CTNNA2: variants seen among roughly 807,000 people sequenced by gnomAD.
CTNNA2 encodes the protein catenin alpha 2, also known as catenin alpha-2.
In CTNNA2, 42 loss-of-function variants were observed where a neutral mutation model predicts 101.0. That is an observed-to-expected ratio of 0.42 (90% CI 0.32 to 0.54). The LOEUF is 0.54. Ranked by LOEUF, CTNNA2 falls within the 20% of genes least tolerant of loss-of-function variation. CTNNA2 has a pLI of 0.14. For synonymous variants in CTNNA2, 450 were observed against 456.4 expected (o/e 0.99, Z 0.18); for missense variants, 871 against 1,223.1 (o/e 0.71, Z 4.29).
intron 7 of CTNNA2, among the ~76,000 whole-genome samples, chr2:80,251,229 G>A (rs572535473): frequency 8.3e-4 from 126 of 152,156 alleles, no homozygotes; most frequent in African/African-American, 1.5e-3. Context: ...AACTACGTCC[G>A]GCACCCGGCA....
At chr2:79,564,305 A>G (rs1419936646) in intron 1 of CTNNA2, among the ~76,000 whole-genome samples, 1 of 151,152 alleles carries the variant, frequency 6.6e-6, no homozygotes, top group African/African-American at 2.4e-5. Flanking sequence ...AAAGTATATT[A>G]TATATTTTTG....
intron 3 of CTNNA2, among the ~76,000 whole-genome samples, chr2:79,792,675 A>G (rs1675377084): frequency 1.3e-5 from 2 of 152,156 alleles, no homozygotes; most frequent in Non-Finnish European, 2.9e-5. Flanking sequence ...TAGGATCACA[A>G]TTATTGTCCT....
At chr2:79,948,331 T>A (rs1688643346) in intron 7 of CTNNA2, among the ~76,000 whole-genome samples, 1 of 152,184 alleles carries the variant, frequency 6.6e-6, no homozygotes, top group Non-Finnish European at 1.5e-5. Context: ...AAAATGTTGG[T>A]ATTTCTTGCA....
chr2:79,467,434 C>T (rs188813684), intron 4 of CTNNA2, among the ~76,000 whole-genome samples: 1 of 152,176 alleles, frequency 6.6e-6, no homozygotes, highest in African/African-American at 2.4e-5. Flanking sequence ...GAGAATGGAA[C>T]CAAGTTAGAA....
intron 3 of CTNNA2, among the ~76,000 whole-genome samples, chr2:79,754,998 C>T (rs138925561): frequency 2.0e-4 from 30 of 152,170 alleles, no homozygotes; most frequent in African/African-American, 7.2e-4. Flanking sequence ...TGAGCCTGGA[C>T]TCTGCTGAGT....
chr2:80,306,082 C>T (rs990045768), intron 7 of CTNNA2, among the ~76,000 whole-genome samples: 3 of 152,112 alleles, frequency 2.0e-5, no homozygotes, highest in African/African-American at 7.2e-5. Flanking sequence ...ATCAAAGTCA[C>T]CAAAGACTGG....
chr2:80,573,311 C>G (rs538921113), intron 12 of CTNNA2: 1 of 152,172 alleles, frequency 6.6e-6, no homozygotes, highest in African/African-American at 2.4e-5. Flanking sequence ...TTACTTTCCA[C>G]TAATCTCTAG....
In CTNNA2 at chr2:80,309,736, C is replaced by A. The variant is rs985673144; in HGVS notation, c.1057-83475C>A. On this transcript the variant is annotated intron_variant, in intron 7 of 18. Coordinates refer to ENST00000402739, the MANE Select transcript of CTNNA2 (RefSeq NM_001282597.3). The stretch of plus-strand genomic sequence containing the variant: ...TTGAGACGGAGTCTCGCACGGTCAC[C>A]CAGGCTGGAGTGCAGTGGCATGATC... Among the ~76,000 whole-genome samples, 3 of 150,524 alleles carry A rather than the reference C, an allele frequency of 2.0e-5. No homozygotes were observed. The Admixed American group carries it at 2.0e-4, about 10-fold the overall frequency.
chr2:79,794,595 T>C (rs1398745884), intron 3 of CTNNA2, among the ~76,000 whole-genome samples: 2 of 152,188 alleles, frequency 1.3e-5, no homozygotes, highest in Non-Finnish European at 2.9e-5. Flanking sequence ...TATCATAAGA[T>C]CTACCCGCTT....
intron 9 of CTNNA2, among the ~76,000 whole-genome samples, chr2:80,426,969 T>G (rs1681054507): frequency 6.6e-6 from 1 of 152,054 alleles, no homozygotes; most frequent in South Asian, 2.1e-4. Flanking sequence ...TCCCTTTTAC[T>G]TTAGGATTGT....
intron 2 of CTNNA2, among the ~76,000 whole-genome samples, chr2:79,695,983 A>G (rs1041526903): frequency 3.9e-5 from 6 of 151,998 alleles, no homozygotes; most frequent in African/African-American, 1.4e-4. Context: ...TATCATTGCC[A>G]GGATGGTGTG....
At chr2:80,377,324 G>T (rs1213439437) in intron 7 of CTNNA2, among the ~76,000 whole-genome samples, 1 of 152,190 alleles carries the variant, frequency 6.6e-6, no homozygotes, top group East Asian at 1.9e-4. Context: ...ATCACAAGAG[G>T]AAAAGATCAG....
At position 79,888,722 on chromosome 2, in the gene CTNNA2, C is replaced by G. The variant is rs983766990; in HGVS notation, c.852+14380C>G. On this transcript the variant is annotated intron_variant, in intron 6 of 18. Coordinates refer to ENST00000402739, the MANE Select transcript of CTNNA2 (RefSeq NM_001282597.3). ...GAAAAATGTAAGAATCTGTTTTCTT[C>G]CTAGTGTGACTGATTTTTGCTTTTG... is the stretch of plus-strand genomic sequence containing the variant. Among the ~76,000 whole-genome samples, 39 of 152,138 alleles carry G rather than the reference C, an allele frequency of 2.6e-4. 1 individual carries two copies. The highest frequency in any genetic ancestry group is 1.9e-3 in the Admixed American group (29 of 15,284).
At chr2:80,377,616 A>G (rs1168251148) in intron 7 of CTNNA2, among the ~76,000 whole-genome samples, 1 of 152,162 alleles carries the variant, frequency 6.6e-6, no homozygotes, top group Non-Finnish European at 1.5e-5. Flanking sequence ...TGGAAATTGC[A>G]TTTGCATTGT....
intron 7 of CTNNA2, among the ~76,000 whole-genome samples, chr2:80,034,222 G>C (rs1433920481): frequency 6.6e-6 from 1 of 151,494 alleles, no homozygotes; most frequent in African/African-American, 2.4e-5. Flanking sequence ...TATAAAAAGA[G>C]ATTTTGGAAA....
At chr2:79,924,348 T>G (rs557870421) in intron 7 of CTNNA2, among the ~76,000 whole-genome samples, 1 of 152,206 alleles carries the variant, frequency 6.6e-6, no homozygotes, top group East Asian at 1.9e-4. Context: ...GGCTTAGGAT[T>G]TGGCTTTCTC....
intron 7 of CTNNA2, among the ~76,000 whole-genome samples, chr2:80,163,820 G>T (rs948784250): frequency 1.2e-4 from 18 of 151,834 alleles, no homozygotes; most frequent in African/African-American, 3.6e-4. Context: ...CATATTTAGG[G>T]TTGCTTTTTT....
At position 80,302,609 on chromosome 2, in the gene CTNNA2, C is replaced by G; in HGVS notation, c.1057-90602C>G. 6.2e-7 allele frequency: 1 copy of G among 1,605,800 alleles called. No individual in the cohort carries two copies. On this transcript the variant is annotated intron_variant, in intron 7 of 18. Transcript: ENST00000402739. The surrounding 1 kb of genome is among the most constrained non-coding windows in gnomAD (Gnocchi z 6.4). ...AGCCACGGTGGCAGGCTCGAATGTGCCGTCGTGCTGCCCCTCCCCGCCGTC... is the reference window on the plus strand; with the variant it reads ...AGCCACGGTGGCAGGCTCGAATGTGGCGTCGTGCTGCCCCTCCCCGCCGTC...
chr2:80,365,133 G>A (rs991707630), intron 7 of CTNNA2, among the ~76,000 whole-genome samples: 2 of 152,108 alleles, frequency 1.3e-5, no homozygotes, highest in African/African-American at 4.8e-5. Flanking sequence ...ATTTGGGGTT[G>A]TTGTCACCAC....
Sources: allele counts gnomAD v4.1 joint callset (sites outside exome capture counted in the v4.1 genomes callset), GRCh38; gene constraint gnomAD v4.1.1; non-coding constraint Gnocchi (gnomAD v3.1); transcripts MANE v1.5; gene names NCBI Gene and HGNC (gene_info 2026-07-23, HGNC 2026-07-21).